Variants in FGL1 observed in about 807,000 individuals in gnomAD.
FGL1 encodes fibrinogen like 1.
A neutral mutation model predicts 43.7 loss-of-function variants in FGL1; 59 were observed. The observed-to-expected ratio is 1.35, with a 90% CI of 1.10 to 1.68. The LOEUF (loss-of-function observed/expected upper bound fraction) is 1.68. Among genes scored for constraint, FGL1 ranks in the 40% most tolerant of loss-of-function variants. The pLI, the probability that FGL1 is intolerant of heterozygous loss-of-function variation, is 0.00. For synonymous variants in FGL1, 192 were observed against 126.5 expected (o/e 1.52, Z -3.48); for missense variants, 596 against 373.0 (o/e 1.60, Z -4.92).
chr8:17,882,214 T>C (rs1363962811), intron 2 of FGL1, 35 bp from the exon 3 acceptor site: 2 of 1,525,552 alleles, frequency 1.3e-6, no homozygotes, highest in East Asian at 2.3e-5. Flanking sequence ...AGTATGCACC[T>C]CATTTTCATG....
chr8:17,867,623 A>G (rs2053289778), intron 7 of FGL1, among the ~76,000 whole-genome samples: 4 of 152,378 alleles, frequency 2.6e-5, no homozygotes, highest in East Asian at 1.9e-4. Flanking sequence ...CACGAGCACT[A>G]TGAAACTCCA....
rs530457088 is a variant in FGL1 at position 17,881,130 on chromosome 8, G to A, written c.244+869C>T. ...AATTCCCAATTGTAATCTGCCATGT[G>A]TACACGGATTTTTTTTTTTTTTTTG... On this transcript the variant is annotated intron_variant, in intron 3 of 7. Coordinates refer to ENST00000427924, the MANE Select transcript of FGL1 (RefSeq NM_004467.4). Among the ~76,000 whole-genome samples the A allele has an allele frequency of 1.7e-4, 21 of 122,710 alleles. No individual in the cohort carries two copies. In the East Asian group the frequency reaches 4.0e-3, roughly 23 times the overall value. 80.5% of individuals were successfully genotyped at this position (122,710 alleles called of 152,430 possible).
intron 1 of FGL1, chr8:17,891,787 C>G (rs192578376): frequency 2.2e-4 from 217 of 983,996 alleles, no homozygotes; most frequent in Non-Finnish European, 2.5e-4. Flanking sequence ...ATGTCTTTAT[C>G]AGATTCCCTC....
At chr8:17,882,284 C>A in intron 2 of FGL1, 105 bp from the exon 3 acceptor site, 1 of 1,038,084 alleles carries the variant, frequency 9.6e-7, no homozygotes, top group Non-Finnish European at 1.4e-6. Flanking sequence ...TCTCCAGTTC[C>A]CATTTCAGAA....
chr8:17,889,966 G>T (rs1291702989), intron 1 of FGL1, among the ~76,000 whole-genome samples: 3 of 152,244 alleles, frequency 2.0e-5, no homozygotes, highest in East Asian at 3.9e-4. Flanking sequence ...GAACAAATTG[G>T]CAAGAACCTG....
chr8:17,888,317 C>T (rs558881032), intron 1 of FGL1, among the ~76,000 whole-genome samples: 142 of 152,192 alleles, frequency 9.3e-4, no homozygotes, highest in African/African-American at 3.2e-3. Flanking sequence ...AATTAATATT[C>T]GCTAATTAAT....
chr8:17,876,886 T>C (rs553234387), intron 3 of FGL1, among the ~76,000 whole-genome samples: 15 of 152,250 alleles, frequency 9.9e-5, no homozygotes, highest in Non-Finnish European at 2.2e-4. Flanking sequence ...TCTTTGGTCT[T>C]GTTTTTGAAA....
rs186100759 is a variant in FGL1 at position 17,892,301 on chromosome 8, C to T, written c.-18+3146G>A. Among the ~76,000 whole-genome samples the T allele has an allele frequency of 3.3e-5, 5 of 151,768 alleles. No homozygotes were observed. In the East Asian group the frequency reaches 5.8e-4, roughly 18 times the overall value. ...TGTTACAGAAAATAAGAAACAAAAA[C>T]ATTTTATTATAAGGAAGCAAAAGAA... is the stretch of plus-strand genomic sequence containing the variant. On this transcript the variant is annotated intron_variant, in intron 1 of 7. Coordinates refer to ENST00000427924, the MANE Select transcript of FGL1 (RefSeq NM_004467.4).
At chr8:17,884,601 A>C (rs1168015185) in intron 2 of FGL1, among the ~76,000 whole-genome samples, 2 of 152,204 alleles carry the variant, frequency 1.3e-5, no homozygotes, top group Non-Finnish European at 2.9e-5. Flanking sequence ...ATAGGCTAAA[A>C]AATGAACAGC....
intron 7 of FGL1, among the ~76,000 whole-genome samples, chr8:17,867,146 A>G (rs1265345189): frequency 6.6e-6 from 1 of 152,228 alleles, no homozygotes; most frequent in African/African-American, 2.4e-5. Context: ...TCTGCAGGGG[A>G]TACGTTCTAA....
intron 3 of FGL1, among the ~76,000 whole-genome samples, chr8:17,878,917 C>G (rs1376419298): frequency 6.8e-6 from 1 of 147,092 alleles, no homozygotes; most frequent in Non-Finnish European, 1.5e-5. Context: ...ATATAAAACA[C>G]TATACTTTAT....
At chr8:17,875,488 T>C (rs942532135) in intron 3 of FGL1, among the ~76,000 whole-genome samples, 8 of 5,548 alleles carry the variant, frequency 1.4e-3, no homozygotes, top group African/African-American at 5.0e-3. Context: ...TATCTCTTTC[T>C]TTCTTTCTTT....
chr8:17,890,675 T>C (rs1197990275), intron 1 of FGL1, among the ~76,000 whole-genome samples: 1 of 152,124 alleles, frequency 6.6e-6, no homozygotes. Flanking sequence ...GGGTAATTTA[T>C]AAAGGAAAAA....
intron 3 of FGL1, among the ~76,000 whole-genome samples, chr8:17,875,893 A>G (rs927301166): frequency 2.0e-5 from 3 of 152,170 alleles, no homozygotes; most frequent in Non-Finnish European, 2.9e-5. Context: ...GGTGTGAGCC[A>G]CCACACCCTG....
At chr8:17,869,570 G>C (rs1288370726) in intron 5 of FGL1, among the ~76,000 whole-genome samples, 1 of 152,152 alleles carries the variant, frequency 6.6e-6, no homozygotes, top group African/African-American at 2.4e-5. Flanking sequence ...AATCCTAATT[G>C]TTATCCGAAA....
At chr8:17,881,357 G>C (rs924649000) in intron 3 of FGL1, among the ~76,000 whole-genome samples, 3 of 151,724 alleles carry the variant, frequency 2.0e-5, no homozygotes, top group African/African-American at 7.3e-5. Flanking sequence ...GGCTGGTCTA[G>C]ATCTCCTGAC....
At chr8:17,865,427 G>A (rs1047656178) in intron 7 of FGL1, among the ~76,000 whole-genome samples, 5 of 152,110 alleles carry the variant, frequency 3.3e-5, no homozygotes, top group Admixed American at 1.3e-4. Flanking sequence ...AACTCCGTAT[G>A]TCCCCTTCTT....
At chr8:17,880,870 A>C (rs1333764411) in intron 3 of FGL1, among the ~76,000 whole-genome samples, 1 of 152,238 alleles carries the variant, frequency 6.6e-6, no homozygotes, top group Non-Finnish European at 1.5e-5. Flanking sequence ...TTGCCAGTTT[A>C]AAATCATTTA....
chr8:17,865,838 C>A (rs181618185), intron 7 of FGL1, among the ~76,000 whole-genome samples: 127 of 152,184 alleles, frequency 8.3e-4, no homozygotes, highest in Non-Finnish European at 1.5e-3. Context: ...ATCAAAAAAG[C>A]ATATAATCTA....
Sources: gnomAD v4.1 joint callset for allele counts (sites outside exome capture counted in the v4.1 genomes callset) on GRCh38, gnomAD v4.1.1 for gene constraint, MANE v1.5 for transcripts, NCBI Gene and HGNC (gene_info 2026-07-23, HGNC 2026-07-21) for gene names.